Variants in MYBBP1A observed in about 807,000 individuals in gnomAD.
The protein encoded by MYBBP1A is MYB binding protein 1a, also known as myb-binding protein 1A.
A neutral mutation model predicts 136.3 loss-of-function variants in MYBBP1A; 147 were observed. That is an observed-to-expected ratio of 1.08 (90% CI 0.94 to 1.24). MYBBP1A has a LOEUF of 1.24. Among genes scored for constraint, MYBBP1A ranks in the 50% most tolerant of loss-of-function variants. The probability of loss-of-function intolerance (pLI) is 0.00; values close to 1 mark genes in which losing one functional copy is unlikely to be tolerated. For synonymous variants in MYBBP1A, 947 were observed against 735.8 expected (o/e 1.29, Z -4.65); for missense variants, 2,060 against 1,727.4 (o/e 1.19, Z -3.41).
Position 4,551,875 on chromosome 17 carries a change from C to T in MYBBP1A, c.1023+5G>A. 1 of 1,611,612 alleles carries T rather than the reference C, an allele frequency of 6.2e-7. No homozygotes were observed. The highest frequency in any genetic ancestry group is 8.5e-7 in the Non-Finnish European group (1 of 1,178,568). ...GCAGTGTCGAGCTGCACGGGCATTA[C>T]CCACCTTAGCAGTGCACACGTGCTC... On this transcript the variant is annotated splice_donor_5th_base_variant and intron_variant, in intron 8 of 25. Transcript: ENST00000254718.
rs540498126 is a variant in MYBBP1A at position 4,548,863 on chromosome 17, G to A, written c.1431-214C>T. ...GCCGTTTCTCTGCTCTGGATCCCCA[G>A]CTGAACGCGGGTTAACCCGAGCTAG... On this transcript the variant is annotated intron_variant, in intron 10 of 25. Coordinates refer to ENST00000254718, the MANE Select transcript of MYBBP1A (RefSeq NM_014520.4). The surrounding 1 kb of genome is among the most constrained non-coding windows in gnomAD (Gnocchi z 4.2). Among the ~76,000 whole-genome samples, 1 of 152,370 alleles carries A rather than the reference G, an allele frequency of 6.6e-6. No homozygotes were observed. The highest frequency in any genetic ancestry group is 6.5e-5 in the Admixed American group (1 of 15,308).
chr17:4,546,711 G>C (rs1035448572), intron 13 of MYBBP1A, among the ~76,000 whole-genome samples: 2 of 152,198 alleles, frequency 1.3e-5, no homozygotes, highest in African/African-American at 4.8e-5. Context: ...GAGGTGGCGT[G>C]GTGTGCGCAT....
intron 25 of MYBBP1A, 67 bp downstream of exon 25, chr17:4,540,281 T>G: frequency 6.6e-7 from 1 of 1,525,292 alleles, no homozygotes; most frequent in Non-Finnish European, 8.8e-7. Context: ...AGCGTGTGTG[T>G]GTGTGCAGCA....
At position 4,540,469 on chromosome 17, in the gene MYBBP1A, G is replaced by A. The variant is rs370624453; in HGVS notation, c.3313C>T (p.Leu1105=). The change falls in exon 25 of 26, where the codon CTG becomes TTG. Residue 1105 remains leucine (L), a synonymous_variant. Coordinates refer to ENST00000254718, the MANE Select transcript of MYBBP1A (RefSeq NM_014520.4). The part of the protein sequence containing the change: ...TCKHEKLTLD[L]TVLLGVLQGQ... ...TGCAGCACACCCAGGAGCACCGTCA[G>A]GTCCAAGGTCAGCTTCTGCAGAGGG... The A allele has an allele frequency of 6.2e-7, 1 of 1,609,526 alleles. No homozygotes were observed. Among genetic ancestry groups the A allele is most frequent in the Non-Finnish European group, 8.5e-7 (1 of 1,179,016 alleles).
At chr17:4,554,830 G>A (rs374927243) in intron 2 of MYBBP1A, 31 bp downstream of exon 2, 7 of 1,606,372 alleles carry the variant, frequency 4.4e-6, no homozygotes, top group Non-Finnish European at 6.0e-6. Flanking sequence ...TGACCTGGAT[G>A]GCTGGGACCC....
chr17:4,545,597 G>A lies in MYBBP1A; in HGVS notation c.2073+13C>T, dbSNP rs370071250. The stretch of plus-strand genomic sequence containing the variant: ...CCCCAGCCCACATTCCACTCCCAAA[G>A]GTCCCAACTCACATCCAGAATTAGC... On this transcript the variant is annotated intron_variant, in intron 15 of 25. Coordinates refer to ENST00000254718, the MANE Select transcript of MYBBP1A (RefSeq NM_014520.4). 5.1e-6 allele frequency: 8 copies of A among 1,566,886 alleles called. No individual in the cohort carries two copies. Among genetic ancestry groups the A allele is most frequent in the South Asian group, 1.2e-5 (1 of 84,638 alleles).
rs758283986 is a variant in MYBBP1A at position 4,543,035 on chromosome 17, A to C, written c.2770T>G (p.Phe924Val). The change falls in exon 20 of 26, where the codon TTC becomes GTC. Residue 924 changes from phenylalanine (F) to valine (V), a missense_variant. Coordinates refer to ENST00000254718, the MANE Select transcript of MYBBP1A (RefSeq NM_014520.4). Reference sequence around the variant, plus strand: ...CGGAGCAGGTAGAGAGAGGCGTTGAAGTGGTAGAGGGCGGTGGGGGAGTCG... The same window carrying C: ...CGGAGCAGGTAGAGAGAGGCGTTGACGTGGTAGAGGGCGGTGGGGGAGTCG... Reference protein sequence around the residue: ...QPDSPTALYHFNASLYLLRVL... With the variant: ...QPDSPTALYHVNASLYLLRVL... The C allele has an allele frequency of 6.2e-7, 1 of 1,613,734 alleles. No individual in the cohort carries two copies. Among genetic ancestry groups the C allele is most frequent in the Admixed American group, 1.7e-5 (1 of 60,020 alleles).
At position 4,542,477 on chromosome 17, in the gene MYBBP1A, C is replaced by A; in HGVS notation, c.3074G>T (p.Arg1025Leu). ...ILVQHITGPVRPRHQACLLLQ... is the reference protein window; with the variant it reads ...ILVQHITGPVLPRHQACLLLQ... ...GAAGTCTCTCACCTGATGACGGGGC[C>A]GCACCGGGCCCGTGATATGCTGGAC... Residue 1025 changes from arginine (R) to leucine (L), a missense_variant, in exon 22 of 26, where the codon CGG (arginine) becomes CTG (leucine). Arg to Leu is a moderately radical substitution (Grantham distance 102, BLOSUM62 -2). Transcript: ENST00000254718. 12 of 1,609,672 alleles carry A rather than the reference C, an allele frequency of 7.5e-6. No individual in the cohort carries two copies. The highest frequency in any genetic ancestry group is 1.3e-5 in the African/African-American group (1 of 74,944).
chr17:4,540,943 G>GTCCCGGGCCCCGTCCCGGGCCCCGT (rs57696318), intron 24 of MYBBP1A, among the ~76,000 whole-genome samples: 2 of 152,168 alleles, frequency 1.3e-5, no homozygotes, highest in Non-Finnish European at 2.9e-5. Flanking sequence ...CCCGGGCCCC[G>GTCCCGGGCCCCGTCCCGGGCCCCGT]CCTCTGCCTG....
intron 19 of MYBBP1A, among the ~76,000 whole-genome samples, chr17:4,544,280 G>GAGAC (rs1175252581): frequency 1.3e-5 from 2 of 152,278 alleles, no homozygotes; most frequent in Non-Finnish European, 2.9e-5. Flanking sequence ...TGTTGGCACT[G>GAGAC]TGTCGGGAGA....
intron 22 of MYBBP1A, 72 bp from the exon 23 acceptor site, chr17:4,541,963 G>C: frequency 1.6e-6 from 2 of 1,248,790 alleles, no homozygotes; most frequent in South Asian, 2.6e-5. Flanking sequence ...ATGCATGAGG[G>C]CTCGGGGGCC....
intron 13 of MYBBP1A, among the ~76,000 whole-genome samples, chr17:4,547,489 TC>T (rs1404085250): frequency 6.6e-6 from 1 of 152,096 alleles, no homozygotes; most frequent in Non-Finnish European, 1.5e-5. Context: ...ACCCACCTAC[TC>T]AGGCTACAGA....
Position 4,552,626 on chromosome 17 carries a change from C to A in MYBBP1A, c.562G>T (p.Val188Phe). ...RKALVDILSE[V>F]SKATLQEILP... ...ATCTCCTGCAATGTGGCCTTCGAGA[C>A]CTAAGGATGGAGGGAGAAGAAATCG... The change falls in exon 6 of 26, where the codon GTC becomes TTC. Residue 188 changes from valine to phenylalanine, a missense_variant and splice_region_variant. By Grantham distance (50) the Val-to-Phe change is conservative (BLOSUM62 -1). Transcript: ENST00000254718. This position sits in a 1 kb window ranked among gnomAD's most constrained non-coding sequence, Gnocchi z 4.7. 2 of 1,611,956 alleles carry A rather than the reference C, an allele frequency of 1.2e-6. No homozygotes were observed. Among genetic ancestry groups the A allele is most frequent in the South Asian group, 2.2e-5 (2 of 91,014 alleles).
chr17:4,546,882 A>G (rs930967179), intron 13 of MYBBP1A, among the ~76,000 whole-genome samples: 4 of 151,046 alleles, frequency 2.6e-5, no homozygotes. Flanking sequence ...TGTGTGCCCA[A>G]GCAGGTCCCC....
Position 4,541,515 on chromosome 17 carries a change from G to A in MYBBP1A, c.3245C>T (p.Ala1082Val), listed in dbSNP as rs755696562. The A allele has an allele frequency of 1.2e-6, 2 of 1,613,452 alleles. No homozygotes were observed. The highest frequency in any genetic ancestry group is 2.2e-5 in the East Asian group (1 of 44,888). The change falls in exon 24 of 26, where the codon GCA becomes GTA. Residue 1082 changes from alanine (A) to valine (V), a missense_variant. Coordinates refer to ENST00000254718, the MANE Select transcript of MYBBP1A (RefSeq NM_014520.4). ...EAQTKAQHQQ[A>V]LSSLELLNVL... ...GTTGAGCAGCTCCAGGGAGGACAGT[G>A]CCTGCTGATGCTGCGCCTTGGTCTG... is the stretch of plus-strand genomic sequence containing the variant.
rs147545597 is a variant in MYBBP1A at position 4,554,227 on chromosome 17, G to T, written c.346C>A (p.Gln116Lys). Residue 116 changes from glutamine to lysine, a missense_variant, in exon 3 of 26, where the codon CAA becomes AAA. By Grantham distance (53) the Gln-to-Lys change is moderately conservative (BLOSUM62 1). Coordinates refer to ENST00000254718, the MANE Select transcript of MYBBP1A (RefSeq NM_014520.4). ...LPLCSILQQI[Q>K]EKYDLHQVKK... ...ACCTGATGCAGGTCATATTTTTCTT[G>T]TATCTGCTGCAGGATGCTGCACAAG... The T allele has an allele frequency of 6.2e-7, 1 of 1,614,028 alleles. No homozygotes were observed. The highest frequency in any genetic ancestry group is 1.1e-5 in the South Asian group (1 of 91,086).
rs776251632 is a variant in MYBBP1A at position 4,539,551 on chromosome 17, T to G, written c.3851A>C (p.Lys1284Thr). The change falls in exon 26 of 26, where the codon AAG (lysine) becomes ACG (threonine). Residue 1284 changes from lysine to threonine, a missense_variant. Lys to Thr is a moderately conservative substitution (Grantham distance 78, BLOSUM62 -1). Transcript: ENST00000254718. The part of the protein sequence containing the change: ...QKQHQKALPK[K>T]GVLGKSPLSA... The stretch of plus-strand genomic sequence containing the variant: ...CAGTGGTGATTTGCCCAAGACCCCC[T>G]TTTTGGGAAGAGCCTTCTGATGCTG... 3 of 1,614,082 alleles carry G rather than the reference T, an allele frequency of 1.9e-6. No homozygotes were observed. Among genetic ancestry groups the G allele is most frequent in the Non-Finnish European group, 2.5e-6 (3 of 1,180,024 alleles).
At position 4,550,148 on chromosome 17, in the gene MYBBP1A, A is replaced by T. The variant is rs757000769; in HGVS notation, c.1229T>A (p.Leu410Gln). The change falls in exon 9 of 26, where the codon CTG becomes CAG. Residue 410 changes from leucine (L) to glutamine (Q), a missense_variant. By Grantham distance (113) the Leu-to-Gln change is moderately radical (BLOSUM62 -2). Transcript: ENST00000254718. ...PPALQGYVAW[L>Q]RAMFLQPDLD... ...GTCTGGCTGGAGAAACATGGCCCGC[A>T]GCCAGGCCACATAGCCCTGCAGGGC... The T allele has an allele frequency of 3.1e-6, 5 of 1,613,866 alleles. No homozygotes were observed. The African/African-American group carries it at 6.7e-5, about 22-fold the overall frequency.
In MYBBP1A at chr17:4,539,462, TC is replaced by T; in HGVS notation, c.3939del (p.Ser1314ValfsTer9). 6.2e-7 allele frequency: 1 copy of T among 1,613,972 alleles called. No homozygotes were observed. Among genetic ancestry groups the T allele is most frequent in the Non-Finnish European group, 8.5e-7 (1 of 1,180,000 alleles). On this transcript the variant is annotated frameshift_variant, in exon 26 of 26. Coordinates refer to ENST00000254718, the MANE Select transcript of MYBBP1A (RefSeq NM_014520.4). LOFTEE classifies it low-confidence loss of function (END_TRUNC). ...SLVIRSPSLL[Q>X]SGAKKKAQVR... ...ACCTGTGCTTTCTTCTTGGCCCCAC[TC>T]TGAAGCAGGCTGGGACTCCTGATGA...
Sources: gnomAD v4.1 joint callset for allele counts (sites outside exome capture counted in the v4.1 genomes callset) on GRCh38, gnomAD v4.1.1 for gene constraint, Gnocchi (gnomAD v3.1) non-coding constraint, MANE v1.5 for transcripts, NCBI Gene and HGNC (gene_info 2026-07-23, HGNC 2026-07-21) for gene names.